Variants in HPS3 observed in about 807,000 individuals in gnomAD.
HPS3 encodes the protein BLOC-2 complex member HPS3.
In HPS3, 79 loss-of-function variants were observed where a neutral mutation model predicts 110.9. The ratio of observed to expected loss-of-function variants is 0.71; its 90% CI spans 0.59 to 0.86. The LOEUF is 0.86. Among genes scored for constraint, HPS3 ranks in the 40% least tolerant of loss-of-function variants. HPS3 has a pLI of 0.00. For synonymous variants in HPS3, 428 were observed against 451.0 expected (o/e 0.95, Z 0.65); for missense variants, 1,197 against 1,206.2 (o/e 0.99, Z 0.11).
chr3:149,158,779 A>G lies in HPS3; in HGVS notation c.1805A>G (p.Tyr602Cys), dbSNP rs141973813. 1.9e-5 allele frequency: 31 copies of G among 1,610,844 alleles called. No homozygotes were observed. The highest frequency in any genetic ancestry group is 2.5e-5 in the Non-Finnish European group (30 of 1,177,180). ...ACAGTAGAGGATGGATTACAGAAAT[A>G]CGAGAGAGGATTAATCTTTTACATT... Reference protein sequence around the residue: ...DWTVEDGLQKYERGLIFYINH... With the variant: ...DWTVEDGLQKCERGLIFYINH... Residue 602 changes from tyrosine to cysteine, a missense_variant, in exon 10 of 17, where the codon TAC becomes TGC. Coordinates refer to ENST00000296051, the MANE Select transcript of HPS3 (RefSeq NM_032383.5).
rs1299369127 is a variant in HPS3, at chr3:149,145,316, GTTTCATGGTGTTTTATTTC to G, written c.971-31_971-13del. 6.9e-7 allele frequency: 1 copy of G among 1,458,022 alleles called. No individual in the cohort carries two copies. 90.3% of individuals were successfully genotyped at this position (1,458,022 alleles called of 1,614,324 possible). A position where few individuals can be genotyped will look rare whatever the true frequency, so the allele number is the denominator to read the frequency against. On this transcript the variant is annotated intron_variant, in intron 4 of 16. Transcript: ENST00000296051. ...TGATTATTTCCCCCTTTATTTACTG[GTTTCATGGTGTTTTATTTC>G]TTTCATTTTTGCATGCAGGTTCTCT...
In HPS3 at chr3:149,153,551, T is replaced by A. The variant is rs1302486191; in HGVS notation, c.1303T>A (p.Leu435Met). The change falls in exon 7 of 17, where the codon TTG (leucine) becomes ATG (methionine). Residue 435 changes from leucine to methionine, a missense_variant. Transcript: ENST00000296051. ...TTTAAGAATACAGCTTTTCATAGGCTTGAAAGCCATCTGTCACTTTAAAAA... is the reference window on the plus strand; with the variant it reads ...TTTAAGAATACAGCTTTTCATAGGCATGAAAGCCATCTGTCACTTTAAAAA... ...CALRIQLFIGLKAICHFKNHI... is the reference protein window; with the variant it reads ...CALRIQLFIGMKAICHFKNHI... 6.2e-7 allele frequency: 1 copy of A among 1,613,956 alleles called. No individual in the cohort carries two copies. The highest frequency in any genetic ancestry group is 8.5e-7 in the Non-Finnish European group (1 of 1,179,908).
At position 149,145,395 on chromosome 3, in the gene HPS3, G is replaced by C. The variant is rs1172448451; in HGVS notation, c.1012G>C (p.Glu338Gln). Reference sequence around the variant, plus strand: ...TGGAAAAAATTTGTCTCAGGAAAAAGAATTGCTGAGTCTCTTTTGCTTTTT... The same window carrying C: ...TGGAAAAAATTTGTCTCAGGAAAAACAATTGCTGAGTCTCTTTTGCTTTTT... Reference protein sequence around the residue: ...SDGKNLSQEKELLSLFCFFSL... With the variant: ...SDGKNLSQEKQLLSLFCFFSL... Residue 338 changes from glutamate to glutamine, a missense_variant, in exon 5 of 17, where the codon GAA (glutamate) becomes CAA (glutamine). By Grantham distance (29) the Glu-to-Gln change is conservative (BLOSUM62 2). Transcript: ENST00000296051. 1 of 1,614,030 alleles carries C rather than the reference G, an allele frequency of 6.2e-7. No individual in the cohort carries two copies. The highest frequency in any genetic ancestry group is 1.7e-5 in the Admixed American group (1 of 60,016).
At chr3:149,135,921 A>T (rs1722064811) in intron 1 of HPS3, among the ~76,000 whole-genome samples, 1 of 152,168 alleles carries the variant, frequency 6.6e-6, no homozygotes, top group Non-Finnish European at 1.5e-5. Flanking sequence ...AAACATATTT[A>T]GATGCCTTAT....
chr3:149,140,921 A>G (rs1355269060), intron 2 of HPS3, 96 bp from the exon 3 acceptor site: 15 of 1,147,784 alleles, frequency 1.3e-5, no homozygotes, highest in Middle Eastern at 2.0e-4. Flanking sequence ...TGTGCATATT[A>G]TAAATAAATG....
chr3:149,168,242 C>A, intron 16 of HPS3: 1 of 418,842 alleles, frequency 2.4e-6, no homozygotes, highest in Non-Finnish European at 4.4e-6. Context: ...AAAATGACAG[C>A]ATCAGTGTTT....
At chr3:149,171,665 G>T (rs1348119105) in intron 16 of HPS3, among the ~76,000 whole-genome samples, 6 of 148,478 alleles carry the variant, frequency 4.0e-5, no homozygotes, top group Non-Finnish European at 6.0e-5. Flanking sequence ...TTTTTTCTTT[G>T]AAGTTATAAC....
intron 7 of HPS3, 50 bp from the exon 8 acceptor site, chr3:149,155,057 A>T (rs756741531): frequency 2.2e-6 from 2 of 923,220 alleles, no homozygotes; most frequent in African/African-American, 3.3e-5. Context: ...TACAACTACC[A>T]TTTATTAATA....
intron 16 of HPS3, among the ~76,000 whole-genome samples, chr3:149,169,499 T>C (rs575286602): frequency 3.9e-5 from 6 of 152,338 alleles, no homozygotes; most frequent in African/African-American, 1.2e-4. Context: ...ATTTCTTATC[T>C]CTCTAATACA....
chr3:149,156,559 C>T (rs1178111497), intron 8 of HPS3, among the ~76,000 whole-genome samples: 1 of 147,686 alleles, frequency 6.8e-6, no homozygotes, highest in South Asian at 2.1e-4. Flanking sequence ...GAGAGTATTC[C>T]TTATTTAGGG....
At position 149,167,153 on chromosome 3, in the gene HPS3, G is replaced by A. The variant is rs747611171; in HGVS notation, c.2709G>A (p.Glu903=). The change falls in exon 15 of 17, where the codon GAG becomes GAA. Residue 903 remains glutamate (E), a synonymous_variant. Coordinates refer to ENST00000296051, the MANE Select transcript of HPS3 (RefSeq NM_032383.5). ...VHVLCRTRLK[E]YEQCIDILLE... is the part of the protein sequence containing the mutation. ...TTCTGTGTCGTACACGCTTGAAAGA[G>A]TATGAACAGTGCATAGACATACTGT... The A allele has an allele frequency of 3.7e-6, 6 of 1,613,866 alleles. No individual in the cohort carries two copies. The highest frequency in any genetic ancestry group is 4.2e-6 in the Non-Finnish European group (5 of 1,179,758).
intron 1 of HPS3, 122 bp downstream of exon 1, chr3:149,130,062 C>G: frequency 3.1e-6 from 3 of 963,568 alleles, no homozygotes. Context: ...CGGAATTTGC[C>G]GGATGGTCTC....
chr3:149,172,318 T>TCACACACACACACACACA lies in HPS3; in HGVS notation c.*117_*134dup, dbSNP rs113015797. On this transcript the variant is annotated 3_prime_UTR_variant, in exon 17 of 17. Coordinates refer to ENST00000296051, the MANE Select transcript of HPS3 (RefSeq NM_032383.5). The stretch of plus-strand genomic sequence containing the variant: ...GTAGAGGAGTTTTTTATTTTATATA[T>TCACACACACACACACACA]CACACACACACACACACACACACAC... 6.8e-4 allele frequency: 391 copies of TCACACACACACACACACA among 571,894 alleles called. 2 individuals carry two copies. Among genetic ancestry groups the TCACACACACACACACACA allele is most frequent in the African/African-American group, 6.2e-3 (305 of 49,498 alleles). 35.4% of individuals were successfully genotyped at this position (571,894 alleles called of 1,614,324 possible).
At chr3:149,150,801 T>TCA in intron 6 of HPS3, 121 bp downstream of exon 6, 3 of 795,824 alleles carry the variant, frequency 3.8e-6, no homozygotes, top group Non-Finnish European at 4.4e-6. Flanking sequence ...TTGTCTAATG[T>TCA]ATTGAATTAG....
chr3:149,129,717 C>A lies in HPS3; in HGVS notation c.-7C>A. The A allele has an allele frequency of 1.3e-6, 2 of 1,577,376 alleles. No individual in the cohort carries two copies. The highest frequency in any genetic ancestry group is 1.7e-6 in the Non-Finnish European group (2 of 1,163,368). Reference sequence around the variant, plus strand: ...GGGCAGGCTGTGCCATCCCGCCGGACGTCGGGATGGTGCAGCTGTACAACC... The same window carrying A: ...GGGCAGGCTGTGCCATCCCGCCGGAAGTCGGGATGGTGCAGCTGTACAACC... On this transcript the variant is annotated 5_prime_UTR_variant, in exon 1 of 17. Transcript: ENST00000296051.
intron 16 of HPS3, among the ~76,000 whole-genome samples, chr3:149,169,140 AT>A (rs112171131): frequency 0.052 from 7,908 of 151,718 alleles, 675 homozygotes; most frequent in African/African-American, 0.18. Flanking sequence ...TGTTTTATTC[AT>A]TTTTTCAAGC....
chr3:149,156,560 T>G (rs1723467879), intron 8 of HPS3, among the ~76,000 whole-genome samples: 1 of 151,842 alleles, frequency 6.6e-6, no homozygotes, highest in African/African-American at 2.4e-5. Context: ...AGAGTATTCC[T>G]TATTTAGGGT....
chr3:149,173,573 A>G lies in HPS3; in HGVS notation c.*1351A>G. ...CAAAAAATTAATAGTTTTCCCCCAC[A>G]AATGTACAAAGTTGTATGCTTCCAG... On this transcript the variant is annotated 3_prime_UTR_variant, in exon 17 of 17. Transcript: ENST00000296051. 2 of 596,246 alleles carry G rather than the reference A, an allele frequency of 3.4e-6. No individual in the cohort carries two copies. The highest frequency in any genetic ancestry group is 5.9e-6 in the Non-Finnish European group (2 of 337,924). 36.9% of individuals were successfully genotyped at this position (596,246 alleles called of 1,614,324 possible).
At chr3:149,171,576 A>G (rs185893439) in intron 16 of HPS3, among the ~76,000 whole-genome samples, 11 of 152,352 alleles carry the variant, frequency 7.2e-5, no homozygotes, top group Admixed American at 4.6e-4. Context: ...TGTGGCTGAT[A>G]TAAAATAACC....
Sources: gnomAD v4.1 joint callset for allele counts (sites outside exome capture counted in the v4.1 genomes callset) on GRCh38, gnomAD v4.1.1 for gene constraint, MANE v1.5 for transcripts, NCBI Gene and HGNC (gene_info 2026-07-23, HGNC 2026-07-21) for gene names.